Variants in HAP1 observed in about 807,000 individuals in gnomAD.
HAP1 encodes the protein huntingtin-associated protein 1.
Under a neutral mutation model 60.3 loss-of-function variants are expected in HAP1, and 59 were observed. That is an observed-to-expected ratio of 0.98 (90% CI 0.79 to 1.22). HAP1 has a LOEUF of 1.22. HAP1 is among the 50% of genes most tolerant of loss of function. HAP1 has a pLI of 0.00. For synonymous variants in HAP1, 346 were observed against 330.6 expected, an observed-to-expected ratio of 1.05 and a Z score of -0.50; for missense variants, 825 against 785.3, an observed-to-expected ratio of 1.05 and a Z score of -0.60.
chr17:41,733,453 C>G (rs1555591725), intron 1 of HAP1, among the ~76,000 whole-genome samples: 1 of 148,740 alleles, frequency 6.7e-6, no homozygotes, highest in East Asian at 2.0e-4. Context: ...ACCTGGGTCC[C>G]TGGCGCCTAG....
In HAP1 at chr17:41,732,303, A is replaced by G. The variant is rs781970870; in HGVS notation, c.641T>C (p.Leu214Pro). 2.0e-5 allele frequency: 33 copies of G among 1,614,004 alleles called. No individual in the cohort carries two copies. The highest frequency in any genetic ancestry group is 1.1e-4 in the East Asian group (5 of 44,894). ...CATCAAAACACTGTTCTGTTTCACCAGGGACTGGCCGATGCGAGCTGCAGT... is the reference window on the plus strand; with the variant it reads ...CATCAAAACACTGTTCTGTTTCACCGGGGACTGGCCGATGCGAGCTGCAGT... Reference protein sequence around the residue: ...LNTAARIGQSLVKQNSVLMEE... With the variant: ...LNTAARIGQSPVKQNSVLMEE... Residue 214 changes from leucine (L) to proline (P), a missense_variant, in exon 3 of 11, where the codon CTG (leucine) becomes CCG (proline). Coordinates refer to ENST00000347901, the MANE Select transcript of HAP1 (RefSeq NM_177977.3).
chr17:41,724,230 T>C lies in HAP1; in HGVS notation c.*471A>G, dbSNP rs1911420959. On this transcript the variant is annotated 3_prime_UTR_variant, in exon 11 of 11. Coordinates refer to ENST00000347901, the MANE Select transcript of HAP1 (RefSeq NM_177977.3). Reference sequence around the variant, plus strand: ...TGGCCCTTGCTGGTGAAGGCCTTTGTCCCCATAGCCTGGGCAGTCCCAGAA... The same window carrying C: ...TGGCCCTTGCTGGTGAAGGCCTTTGCCCCCATAGCCTGGGCAGTCCCAGAA... 6.2e-6 allele frequency: 1 copy of C among 160,710 alleles called. No homozygotes were observed. Among genetic ancestry groups the C allele is most frequent in the Non-Finnish European group, 1.4e-5 (1 of 72,510 alleles). 10.0% of individuals were successfully genotyped at this position (160,710 alleles called of 1,614,324 possible).
intron 8 of HAP1, chr17:41,727,540 TG>T (rs2143213309): frequency 1.4e-6 from 1 of 708,966 alleles, no homozygotes; most frequent in East Asian, 2.5e-5. Flanking sequence ...GGACTCCAAG[TG>T]TCATGTGGGG....
In HAP1 at chr17:41,731,566, G is replaced by A. The variant is rs782034331; in HGVS notation, c.1003-7C>T. On this transcript the variant is annotated splice_polypyrimidine_tract_variant and splice_region_variant and intron_variant, in intron 5 of 10. Transcript: ENST00000347901. ...GAGTGTCGAGTTGAGAGGCCTGGAG[G>A]GAGACAAAGAGGAAGGGACAGGGAA... 1.9e-5 allele frequency: 31 copies of A among 1,611,112 alleles called. No homozygotes were observed. In the Admixed American group the frequency reaches 5.2e-4, roughly 27 times the overall value.
intron 5 of HAP1, 28 bp downstream of exon 5, chr17:41,731,610 C>T: frequency 6.2e-7 from 1 of 1,603,484 alleles, no homozygotes; most frequent in East Asian, 2.2e-5. Context: ...CCCCTGCTAG[C>T]AGGGACGCCC....
downstream of HAP1, chr17:41,720,964 G>A (rs1276179000): frequency 6.6e-6 from 1 of 151,986 alleles, no homozygotes; most frequent in East Asian, 1.9e-4. Context: ...ACCATGCCCA[G>A]TTAATTTTGT....
rs781868886 is a variant in HAP1 at position 41,732,068 on chromosome 17, G to A, written c.765C>T (p.Leu255=). The A allele has an allele frequency of 1.2e-5, 19 of 1,611,450 alleles. No homozygotes were observed. The Admixed American group carries it at 3.0e-4, about 25-fold the overall frequency. ...CATCCTCCTCATCAGAATCTGAGTAGAGCTGGAGGAGCTCATCCCGCAAGT... is the reference window on the plus strand; with the variant it reads ...CATCCTCCTCATCAGAATCTGAGTAAAGCTGGAGGAGCTCATCCCGCAAGT... The part of the protein sequence containing the change: ...QVNLRDELLQ[L]YSDSDEEDED... Residue 255 remains leucine, a synonymous_variant, in exon 4 of 11, where the codon CTC becomes CTT. Transcript: ENST00000347901.
chr17:41,725,082 TGCCA>T lies in HAP1; in HGVS notation c.1475_1478del (p.Leu492GlnfsTer34). On this transcript the variant is annotated frameshift_variant, in exon 11 of 11. Transcript: ENST00000347901. LOFTEE classifies it low-confidence loss of function (END_TRUNC). ...AATCTTCCCCCCGCATGATATCCGCTGCCAGCATCAACCCTTCCTCAGCCTCAAA... is the reference window on the plus strand; with the variant it reads ...AATCTTCCCCCCGCATGATATCCGCTGCATCAACCCTTCCTCAGCCTCAAA... 6.2e-7 allele frequency: 1 copy of T among 1,613,566 alleles called. No homozygotes were observed. Among genetic ancestry groups the T allele is most frequent in the East Asian group, 2.2e-5 (1 of 44,876 alleles).
At position 41,724,793 on chromosome 17, in the gene HAP1, G is replaced by A. The variant is rs995902612; in HGVS notation, c.1768C>T (p.Gln590Ter). The change falls in exon 11 of 11, where the codon CAG becomes TAG. Residue 590 changes from glutamine (Q) to a stop codon, truncating the protein, a stop_gained. Coordinates refer to ENST00000347901, the MANE Select transcript of HAP1 (RefSeq NM_177977.3). LOFTEE classifies it low-confidence loss of function (END_TRUNC). Reference sequence around the variant, plus strand: ...TTCTGGAGCATCTTCCACCTCAGCTGCCGCCTGTAATGGGCATCTTGCCAG... The same window carrying A: ...TTCTGGAGCATCTTCCACCTCAGCTACCGCCTGTAATGGGCATCTTGCCAG... Reference protein sequence around the residue: ...ANWQDAHYRRQLRWKMLQKGE... With the variant: ...ANWQDAHYRR 4 of 1,611,998 alleles carry A rather than the reference G, an allele frequency of 2.5e-6. No individual in the cohort carries two copies. In the East Asian group the frequency reaches 8.9e-5, roughly 36 times the overall value.
At chr17:41,727,995 C>A (rs1039403164) in intron 7 of HAP1, among the ~76,000 whole-genome samples, 159 bp from the exon 8 acceptor site, 1 of 152,094 alleles carries the variant, frequency 6.6e-6, no homozygotes, top group Non-Finnish European at 1.5e-5. Context: ...GGGAGTCACG[C>A]AGCCTGGTTC....
Position 41,725,853 on chromosome 17 carries a change from G to T in HAP1, c.1406+6C>A. 6.2e-7 allele frequency: 1 copy of T among 1,610,908 alleles called. No individual in the cohort carries two copies. Among genetic ancestry groups the T allele is most frequent in the Non-Finnish European group, 8.5e-7 (1 of 1,177,026 alleles). The stretch of plus-strand genomic sequence containing the variant: ...CAGGTTGTAGGGGAGCCCCTGGCAG[G>T]CTTACCTTAGGCTGGATGTGTCCCC... On this transcript the variant is annotated splice_donor_region_variant and intron_variant, in intron 10 of 10. Coordinates refer to ENST00000347901, the MANE Select transcript of HAP1 (RefSeq NM_177977.3).
intron 1 of HAP1, among the ~76,000 whole-genome samples, chr17:41,733,039 TTTTTTTTTTTTTTGG>T (rs1256871004): frequency 0.17 from 2,250 of 12,998 alleles, 87 homozygotes; most frequent in African/African-American, 0.38. Flanking sequence ...TTTTTTTTGG[TTTTTTTTTTTTTTGG>T]TTTTTTTTTT....
chr17:41,727,335 G>A, intron 8 of HAP1, 191 bp from the exon 9 acceptor site: 1 of 780,922 alleles, frequency 1.3e-6, no homozygotes, highest in Non-Finnish European at 2.4e-6. Flanking sequence ...GGCAGACCCA[G>A]TGGACACTGG....
downstream of HAP1, chr17:41,718,189 T>C (rs1911058790): frequency 3.5e-6 from 1 of 285,392 alleles, no homozygotes; most frequent in Non-Finnish European, 7.6e-6. Context: ...CGCCCGATCT[T>C]GTCTGATCTT....
At chr17:41,726,760 G>T (rs1911667414) in intron 9 of HAP1, among the ~76,000 whole-genome samples, 1 of 152,062 alleles carries the variant, frequency 6.6e-6, no homozygotes, top group African/African-American at 2.4e-5. Flanking sequence ...CTACTCGGAA[G>T]GCTGAAGCAG....
At chr17:41,720,090 C>T (rs1410208100), downstream of HAP1, among the ~76,000 whole-genome samples, 3 of 151,838 alleles carry the variant, frequency 2.0e-5, no homozygotes, top group Non-Finnish European at 4.4e-5. Flanking sequence ...GGGGTTTCAC[C>T]GTGTTAGCCA....
downstream of HAP1, chr17:41,717,825 C>T (rs782561621): frequency 2.7e-5 from 9 of 329,788 alleles, no homozygotes; most frequent in South Asian, 1.2e-4. Context: ...TCTGTATCCC[C>T]GGTGGCAAGA....
chr17:41,728,210 G>GCATGC lies in HAP1; in HGVS notation c.1190_1191insGCATG (p.Cys398HisfsTer48). On this transcript the variant is annotated frameshift_variant, in exon 7 of 11. Coordinates refer to ENST00000347901, the MANE Select transcript of HAP1 (RefSeq NM_177977.3). LOFTEE classifies it high-confidence loss of function. ...CACACACCCGACTCACCATCCGGCA[G>GCATGC]CGCTGCTGCAGCTTCAGCACCTGGG... The GCATGC allele has an allele frequency of 6.2e-7, 1 of 1,611,898 alleles. No individual in the cohort carries two copies. The highest frequency in any genetic ancestry group is 2.2e-5 in the East Asian group (1 of 44,882).
chr17:41,731,825 C>T, intron 4 of HAP1, 82 bp from the exon 5 acceptor site: 1 of 1,050,084 alleles, frequency 9.5e-7, no homozygotes, highest in Non-Finnish European at 1.5e-6. Context: ...GGGCAGTGTT[C>T]TCAATTAGTT....
Sources: gnomAD v4.1 joint callset for allele counts (sites outside exome capture counted in the v4.1 genomes callset) on GRCh38, gnomAD v4.1.1 for gene constraint, MANE v1.5 for transcripts, NCBI Gene and HGNC (gene_info 2026-07-23, HGNC 2026-07-21) for gene names.